The following MDH1B variants were observed in gnomAD, a reference collection of about 807,000 sequenced individuals.
The protein encoded by MDH1B is malate dehydrogenase 1B.
A neutral mutation model predicts 61.4 loss-of-function variants in MDH1B; 60 were observed. The observed-to-expected ratio is 0.98, with a 90% confidence interval of 0.79 to 1.21. The LOEUF (loss-of-function observed/expected upper bound fraction) is 1.21. MDH1B is among the 50% of genes most tolerant of loss of function. The pLI, the probability that MDH1B is intolerant of heterozygous loss-of-function variation, is 0.00. For missense variants in MDH1B, 587 were observed against 632.1 expected (o/e 0.93, Z 0.76); for synonymous variants, 236 against 218.7 (o/e 1.08, Z -0.70).
intron 10 of MDH1B, 62 bp downstream of exon 10, chr2:206,740,992 C>A (rs1687775167): frequency 6.2e-7 from 1 of 1,604,534 alleles, no homozygotes; most frequent in Non-Finnish European, 8.5e-7. Context: ...TCTCTAACAA[C>A]TGGACAATAT....
At chr2:206,758,959 G>A (rs1236024728) in intron 2 of MDH1B, among the ~76,000 whole-genome samples, 2 of 142,974 alleles carry the variant, frequency 1.4e-5, no homozygotes, top group East Asian at 4.0e-4. Flanking sequence ...GGCCAAGGCT[G>A]TTTGTTTTTT....
At chr2:206,757,127 A>G in intron 3 of MDH1B, 87 bp from the exon 4 acceptor site, 1 of 1,531,190 alleles carries the variant, frequency 6.5e-7, no homozygotes. Flanking sequence ...TTTAAAGTCA[A>G]AAGACAATAA....
At chr2:206,744,539 T>A (rs1687985306) in intron 9 of MDH1B, among the ~76,000 whole-genome samples, 1 of 152,152 alleles carries the variant, frequency 6.6e-6, no homozygotes, top group Admixed American at 6.5e-5. Context: ...AAAATACCAA[T>A]AAGAAAAATA....
intron 9 of MDH1B, 77 bp downstream of exon 9, chr2:206,745,545 A>G: frequency 9.4e-7 from 1 of 1,067,678 alleles, no homozygotes; most frequent in Non-Finnish European, 1.4e-6. Flanking sequence ...ATTCATATTA[A>G]CAGTGATTCA....
intron 5 of MDH1B, 82 bp from the exon 6 acceptor site, chr2:206,751,157 GTGCATGTT>G: frequency 2.0e-6 from 2 of 975,952 alleles, no homozygotes; most frequent in South Asian, 4.0e-5. Context: ...TTTTGTTTGC[GTGCATGTT>G]TGTTTTAGGA....
chr2:206,755,408 T>C lies in MDH1B; in HGVS notation c.511A>G (p.Lys171Glu), dbSNP rs745703100. 6.2e-7 allele frequency: 1 copy of C among 1,614,204 alleles called. No homozygotes were observed. Among genetic ancestry groups the C allele is most frequent in the East Asian group, 2.2e-5 (1 of 44,880 alleles). Residue 171 changes from lysine to glutamate, a missense_variant, in exon 5 of 12, where the codon AAG (lysine) becomes GAG (glutamate). By Grantham distance (56) the Lys-to-Glu change is moderately conservative. Transcript: ENST00000374412. Reference sequence around the variant, plus strand: ...CTTTTGAGATGTTCTTCCGCCTGCTTGTTGTCAAATAGAGTTATGCTAATT... The same window carrying C: ...CTTTTGAGATGTTCTTCCGCCTGCTCGTTGTCAAATAGAGTTATGCTAATT... ...TEISITLFDN[K>E]QAEEHLKSLV...
chr2:206,748,548 G>C (rs1688256408), intron 7 of MDH1B, among the ~76,000 whole-genome samples: 1 of 152,182 alleles, frequency 6.6e-6, no homozygotes, highest in African/African-American at 2.4e-5. Context: ...TCTCTATCCT[G>C]CCTTTGTGTC....
chr2:206,753,521 T>C (rs1688573187), intron 5 of MDH1B, among the ~76,000 whole-genome samples: 1 of 152,158 alleles, frequency 6.6e-6, no homozygotes, highest in Admixed American at 6.5e-5. Context: ...GTCTGATAAA[T>C]AGTGATTTAT....
chr2:206,757,209 A>G, intron 3 of MDH1B, 28 bp downstream of exon 3: 3 of 1,590,580 alleles, frequency 1.9e-6, no homozygotes, highest in Non-Finnish European at 2.6e-6. Context: ...AATTATCATT[A>G]TTAGAACAGA....
chr2:206,750,809 C>T (rs2105933235), intron 6 of MDH1B, 125 bp downstream of exon 6: 1 of 768,786 alleles, frequency 1.3e-6, no homozygotes, highest in African/African-American at 1.8e-5. Flanking sequence ...ACAGCATGAA[C>T]AAATATGAGT....
At chr2:206,754,900 C>G (rs1688664688) in intron 5 of MDH1B, 109 bp downstream of exon 5, 1 of 1,245,632 alleles carries the variant, frequency 8.0e-7, no homozygotes, top group African/African-American at 1.5e-5. Context: ...TTTATACTTC[C>G]TATTCCAGAT....
chr2:206,748,373 C>T (rs6721839), intron 7 of MDH1B, among the ~76,000 whole-genome samples: 18,735 of 152,218 alleles, frequency 0.12, 1,683 homozygotes, highest in African/African-American at 0.26. Context: ...AGCAAGACTC[C>T]ATCTCAAGCA....
At chr2:206,747,030 AT>A (rs1431760355) in intron 7 of MDH1B, among the ~76,000 whole-genome samples, 1 of 152,202 alleles carries the variant, frequency 6.6e-6, no homozygotes, top group African/African-American at 2.4e-5. Flanking sequence ...TGTGCTCTAA[AT>A]AAAAAGATTG....
chr2:206,751,378 G>A (rs999895458), intron 5 of MDH1B, among the ~76,000 whole-genome samples: 3 of 152,130 alleles, frequency 2.0e-5, no homozygotes, highest in Non-Finnish European at 4.4e-5. Context: ...TGTTTGTCCT[G>A]ACTTTGCTTA....
At chr2:206,744,041 T>C (rs1687955188) in intron 9 of MDH1B, among the ~76,000 whole-genome samples, 1 of 152,238 alleles carries the variant, frequency 6.6e-6, no homozygotes, top group Non-Finnish European at 1.5e-5. Flanking sequence ...AGAAATCTTC[T>C]GTAGCTCTCA....
chr2:206,741,242 G>T, intron 9 of MDH1B, 138 bp from the exon 10 acceptor site: 2 of 1,106,602 alleles, frequency 1.8e-6, no homozygotes, highest in Non-Finnish European at 2.6e-6. Context: ...TTACATTATA[G>T]TCCAATGTGT....
chr2:206,740,534 G>T (rs1162358433), intron 10 of MDH1B, among the ~76,000 whole-genome samples: 7 of 152,102 alleles, frequency 4.6e-5, no homozygotes, highest in African/African-American at 7.2e-5. Context: ...GACCTGCACA[G>T]TTCAAACCCA....
intron 6 of MDH1B, among the ~76,000 whole-genome samples, chr2:206,749,520 C>G (rs1338243656): frequency 6.6e-6 from 1 of 151,200 alleles, no homozygotes; most frequent in Non-Finnish European, 1.5e-5. Flanking sequence ...CCAGTAGTAC[C>G]CTACATATTA....
intron 9 of MDH1B, among the ~76,000 whole-genome samples, chr2:206,741,708 A>G (rs998062264): frequency 1.3e-5 from 2 of 152,174 alleles, no homozygotes; most frequent in African/African-American, 2.4e-5. Flanking sequence ...TTATTTATAC[A>G]TAAGTATCCT....
Sources: allele counts gnomAD v4.1 joint callset (sites outside exome capture counted in the v4.1 genomes callset), GRCh38; gene constraint gnomAD v4.1.1; transcripts MANE v1.5; gene names NCBI Gene and HGNC (gene_info 2026-07-23, HGNC 2026-07-21).